Variants in MMD2 observed in about 807,000 individuals in gnomAD.
MMD2 encodes the protein monocyte to macrophage differentiation factor 2.
In MMD2, 30 loss-of-function variants were observed where a neutral mutation model predicts 33.5. That is an observed-to-expected ratio of 0.90 (90% CI 0.67 to 1.22). The LOEUF is 1.22. Ranked by LOEUF, MMD2 falls within the 50% of genes most tolerant of loss-of-function variation. MMD2 has a pLI of 0.00. For synonymous variants in MMD2, 129 were observed against 123.0 expected (o/e 1.05, Z -0.32); for missense variants, 364 against 325.4 (o/e 1.12, Z -0.91).
At chr7:4,926,837 T>C (rs1021707665) in intron 1 of MMD2, among the ~76,000 whole-genome samples, 4 of 151,864 alleles carry the variant, frequency 2.6e-5, no homozygotes, top group Non-Finnish European at 5.9e-5. Context: ...CTCCGCCTCC[T>C]GGGTTCACGC....
chr7:4,926,947 T>G (rs1785446346), intron 1 of MMD2, among the ~76,000 whole-genome samples: 1 of 151,574 alleles, frequency 6.6e-6, no homozygotes, highest in Non-Finnish European at 1.5e-5. Flanking sequence ...GGTTTCACTG[T>G]TTTAGCCAGG....
intron 1 of MMD2, among the ~76,000 whole-genome samples, chr7:4,935,564 C>A (rs987246362): frequency 2.0e-5 from 3 of 149,228 alleles, no homozygotes; most frequent in Non-Finnish European, 4.4e-5. Context: ...ATACTCCCAA[C>A]TACTCAGGAG....
At position 4,916,061 on chromosome 7, in the gene MMD2, T is replaced by C. The variant is rs776783045; in HGVS notation, c.309A>G (p.Leu103=). 4 of 1,613,654 alleles carry C rather than the reference T, an allele frequency of 2.5e-6. No homozygotes were observed. Among genetic ancestry groups the C allele is most frequent in the South Asian group, 1.1e-5 (1 of 91,072 alleles). The change falls in exon 4 of 7, where the codon CTA becomes CTG. Residue 103 remains leucine, a synonymous_variant. Transcript: ENST00000401401. ...KSHLRMVEHC[L]HMFDRMVIYF... ...AGATGACCATCCGGTCGAACATGTG[T>C]AGACAGTGTTCCACCATCCTAGGGC... is the stretch of plus-strand genomic sequence containing the variant.
intron 2 of MMD2, among the ~76,000 whole-genome samples, chr7:4,922,879 C>G (rs1450931277): frequency 6.6e-6 from 1 of 152,188 alleles, no homozygotes; most frequent in Non-Finnish European, 1.5e-5. Context: ...TCACCCTGCC[C>G]TCACCCTGTG....
chr7:4,939,420 G>T (rs941012684), intron 1 of MMD2, among the ~76,000 whole-genome samples: 6 of 152,036 alleles, frequency 3.9e-5, no homozygotes, highest in Non-Finnish European at 2.9e-5. Context: ...GTGTGTACCT[G>T]TGGGCTCAGC....
downstream of MMD2, among the ~76,000 whole-genome samples, chr7:4,901,623 G>T (rs148163872): frequency 6.6e-6 from 1 of 152,200 alleles, no homozygotes; most frequent in East Asian, 1.9e-4. Flanking sequence ...GGTCAGGTTC[G>T]ACTGGCACCA....
At position 4,920,318 on chromosome 7, in the gene MMD2, G is replaced by C. The variant is rs752387836; in HGVS notation, c.143C>G (p.Pro48Arg). 6.2e-7 allele frequency: 1 copy of C among 1,608,582 alleles called. No individual in the cohort carries two copies. The highest frequency in any genetic ancestry group is 1.1e-5 in the South Asian group (1 of 89,468). Residue 48 changes from proline to arginine, a missense_variant, in exon 3 of 7, where the codon CCC (proline) becomes CGC (arginine). Transcript: ENST00000401401. ...GAGGTTGGAGCTGCCCAGGATGCTG[G>C]GGATGATCCAGAACTGGAGGGGCAG... ...NCATHAFWII[P>R]SILGSSNLYF...
At chr7:4,939,604 A>AT (rs1436789513) in intron 1 of MMD2, among the ~76,000 whole-genome samples, 2 of 152,192 alleles carry the variant, frequency 1.3e-5, no homozygotes, top group Non-Finnish European at 2.9e-5. Context: ...TAGCATAGAA[A>AT]TATTCACACA....
chr7:4,910,033 A>G, intron 5 of MMD2, 83 bp from the exon 6 acceptor site: 1 of 1,613,744 alleles, frequency 6.2e-7, no homozygotes, highest in Non-Finnish European at 8.5e-7. Context: ...CTTGGGGAAG[A>G]GGGAACACTC....
chr7:4,898,645 G>A, the MMD2 span, among the ~76,000 whole-genome samples: 1 of 152,166 alleles, frequency 6.6e-6, no homozygotes, highest in Non-Finnish European at 1.5e-5. Flanking sequence ...GCCTGTAATT[G>A]CAGCACTTCA....
Position 4,926,869 on chromosome 7 carries a change from T to C in MMD2, c.48-1337A>G, listed in dbSNP as rs551781453. ...ACGCCATTCTCCTGCCTCAGCCTCC[T>C]GAGTAGCTGGGACTACAGGCGCCCG... On this transcript the variant is annotated intron_variant, in intron 1 of 6. Transcript: ENST00000401401. Among the ~76,000 whole-genome samples, 7 of 151,932 alleles carry C rather than the reference T, an allele frequency of 4.6e-5. No individual in the cohort carries two copies. In the East Asian group the frequency reaches 5.8e-4, roughly 13 times the overall value.
At chr7:4,945,145 C>T (rs1786021403) in intron 1 of MMD2, among the ~76,000 whole-genome samples, 1 of 148,804 alleles carries the variant, frequency 6.7e-6, no homozygotes, top group Non-Finnish European at 1.5e-5. Context: ...CCTTCTTCTT[C>T]TTTCCCTCTT....
intron 1 of MMD2, among the ~76,000 whole-genome samples, chr7:4,953,075 A>C (rs1786292459): frequency 6.6e-6 from 1 of 151,852 alleles, no homozygotes; most frequent in African/African-American, 2.4e-5. Context: ...CCTGGCCTCA[A>C]GTAATCCACC....
intron 1 of MMD2, among the ~76,000 whole-genome samples, chr7:4,948,943 C>G (rs1786164793): frequency 6.6e-6 from 1 of 152,170 alleles, no homozygotes; most frequent in Non-Finnish European, 1.5e-5. Flanking sequence ...TCCAGAGCAG[C>G]TGGGACTACA....
chr7:4,935,798 T>C (rs1785725384), intron 1 of MMD2, among the ~76,000 whole-genome samples: 1 of 152,090 alleles, frequency 6.6e-6, no homozygotes, highest in African/African-American at 2.4e-5. Flanking sequence ...ACTTGAATTA[T>C]GTAAGATGTT....
the MMD2 span, among the ~76,000 whole-genome samples, chr7:4,897,103 C>G: frequency 6.6e-6 from 1 of 151,740 alleles, no homozygotes; most frequent in African/African-American, 2.4e-5. Flanking sequence ...CAAGTTATCC[C>G]CCTCCTTAGC....
the MMD2 span, among the ~76,000 whole-genome samples, chr7:4,898,499 T>C: frequency 6.6e-6 from 1 of 152,128 alleles, no homozygotes; most frequent in East Asian, 1.9e-4. Context: ...TGGGATAGGA[T>C]AGGGTAGGGA....
rs746482934 is a variant in MMD2 at position 4,946,577 on chromosome 7, TGAGTAATAGGATGCTGAAAAG to T, written c.47+12373_47+12393del. Among the ~76,000 whole-genome samples, 19 of 152,230 alleles carry T rather than the reference TGAGTAATAGGATGCTGAAAAG, an allele frequency of 1.2e-4. No individual in the cohort carries two copies. The highest frequency in any genetic ancestry group is 2.2e-4 in the Non-Finnish European group (15 of 68,002). ...CTAAGACCACCAGGTGAGAGGCTGC[TGAGTAATAGGATGCTGAAAAG>T]GACCTCAGTATCTCTCATCCCAGGG... On this transcript the variant is annotated intron_variant, in intron 1 of 6. Transcript: ENST00000401401. The surrounding 1 kb of genome is among the most constrained non-coding windows in gnomAD (Gnocchi z 5.0).
chr7:4,931,240 G>A (rs1343923757), intron 1 of MMD2, among the ~76,000 whole-genome samples: 1 of 152,026 alleles, frequency 6.6e-6, no homozygotes, highest in Admixed American at 6.6e-5. Flanking sequence ...CGACCTCCTG[G>A]GCTCGAGCAA....
Sources: gnomAD v4.1 joint callset for allele counts (sites outside exome capture counted in the v4.1 genomes callset) on GRCh38, gnomAD v4.1.1 for gene constraint, Gnocchi (gnomAD v3.1) non-coding constraint, MANE v1.5 for transcripts, NCBI Gene and HGNC (gene_info 2026-07-23, HGNC 2026-07-21) for gene names.